Variants in SLC25A31 observed in about 807,000 individuals in gnomAD.
SLC25A31 encodes ADP/ATP translocase 4.
A neutral mutation model predicts 36.2 loss-of-function variants in SLC25A31; 40 were observed. The ratio of observed to expected loss-of-function variants is 1.10; its 90% CI spans 0.86 to 1.44. The LOEUF is 1.44. Ranked by LOEUF, SLC25A31 falls within the 40% of genes most tolerant of loss-of-function variation. The pLI is 0.00. For missense variants in SLC25A31, 350 were observed against 397.1 expected, an observed-to-expected ratio of 0.88 and a Z score of 1.01; for synonymous variants, 143 against 149.7, an observed-to-expected ratio of 0.96 and a Z score of 0.32.
At chr4:127,759,385 A>T (rs1329435675) in intron 2 of SLC25A31, among the ~76,000 whole-genome samples, 1 of 152,052 alleles carries the variant, frequency 6.6e-6, no homozygotes, top group Non-Finnish European at 1.5e-5. Flanking sequence ...TTTGGGAGGC[A>T]TATCTTGGGT....
chr4:127,764,305 T>C lies in SLC25A31; in HGVS notation c.423T>C (p.Cys141=). ...GAGCTGCTGGGGCAACATCCTTATG[T>C]GTAGTATATCCTCTAGATTTTGCCC... ...SGGAAGATSL[C]VVYPLDFART... is the part of the protein sequence containing the mutation. The change falls in exon 3 of 6, where the codon TGT becomes TGC. Residue 141 remains cysteine, a synonymous_variant. Coordinates refer to ENST00000281154, the MANE Select transcript of SLC25A31 (RefSeq NM_031291.4). 1.9e-6 allele frequency: 3 copies of C among 1,614,132 alleles called. No individual in the cohort carries two copies. The highest frequency in any genetic ancestry group is 2.5e-6 in the Non-Finnish European group (3 of 1,179,990).
intron 1 of SLC25A31, among the ~76,000 whole-genome samples, chr4:127,738,752 G>A (rs544341057): frequency 6.6e-6 from 1 of 152,280 alleles, no homozygotes; most frequent in African/African-American, 2.4e-5. Context: ...CTTTTTGTAA[G>A]TGTAGAAGTA....
intron 1 of SLC25A31, among the ~76,000 whole-genome samples, chr4:127,731,042 C>T (rs957992452): frequency 1.3e-5 from 2 of 152,202 alleles, no homozygotes; most frequent in Admixed American, 1.3e-4. Context: ...CGATTTACAC[C>T]TTGGTGCACC....
At chr4:127,762,217 A>G (rs998748415) in intron 2 of SLC25A31, among the ~76,000 whole-genome samples, 1 of 152,224 alleles carries the variant, frequency 6.6e-6, no homozygotes, top group Non-Finnish European at 1.5e-5. Flanking sequence ...TGAGTAGATA[A>G]TGTTCATAAA....
At chr4:127,738,683 G>A (rs991411962) in intron 1 of SLC25A31, among the ~76,000 whole-genome samples, 5 of 152,098 alleles carry the variant, frequency 3.3e-5, no homozygotes, top group African/African-American at 7.2e-5. Flanking sequence ...TGCCTTGATG[G>A]TCTAAAGCTG....
At chr4:127,739,014 CTTA>C in intron 1 of SLC25A31, among the ~76,000 whole-genome samples, 1 of 152,118 alleles carries the variant, frequency 6.6e-6, no homozygotes, top group Non-Finnish European at 1.5e-5. Context: ...AGATTGGTCT[CTTA>C]AAGACAGCAG....
intron 2 of SLC25A31, among the ~76,000 whole-genome samples, chr4:127,752,872 A>G (rs1731961872): frequency 6.6e-6 from 1 of 152,214 alleles, no homozygotes; most frequent in Non-Finnish European, 1.5e-5. Flanking sequence ...ATTGAGCTTG[A>G]ACTGCACTTT....
In SLC25A31 at chr4:127,744,692, G is replaced by T; in HGVS notation, c.253G>T (p.Gly85Cys). Residue 85 changes from glycine (G) to cysteine (C), a missense_variant, in exon 2 of 6, where the codon GGC (glycine) becomes TGC (cysteine). Physicochemically the swap from Gly to Cys is radical, Grantham distance 159. Transcript: ENST00000281154. Reference sequence around the variant, plus strand: ...TGTAGGTTTCTTCAGTTTTTGGCGTGGCAATTTGGCAAATGTTATTCGGTA... The same window carrying T: ...TGTAGGTTTCTTCAGTTTTTGGCGTTGCAATTTGGCAAATGTTATTCGGTA... ...REQGFFSFWR[G>C]NLANVIRYFP... The T allele has an allele frequency of 1.3e-6, 2 of 1,599,002 alleles. No individual in the cohort carries two copies. The highest frequency in any genetic ancestry group is 8.5e-7 in the Non-Finnish European group (1 of 1,173,048).
In SLC25A31 at chr4:127,764,311, A is replaced by G. The variant is rs766645328; in HGVS notation, c.429A>G (p.Val143=). 6.2e-7 allele frequency: 1 copy of G among 1,614,090 alleles called. No individual in the cohort carries two copies. Among genetic ancestry groups the G allele is most frequent in the South Asian group, 1.1e-5 (1 of 91,068 alleles). The change falls in exon 3 of 6, where the codon GTA becomes GTG. Residue 143 remains valine, a synonymous_variant. Transcript: ENST00000281154. ...CTGGGGCAACATCCTTATGTGTAGT[A>G]TATCCTCTAGATTTTGCCCGAACCC... ...GAAGATSLCV[V]YPLDFARTRL... is the part of the protein sequence containing the mutation.
At chr4:127,768,587 G>A (rs930360392) in intron 4 of SLC25A31, among the ~76,000 whole-genome samples, 165 bp from the exon 5 acceptor site, 3 of 151,802 alleles carry the variant, frequency 2.0e-5, no homozygotes. Flanking sequence ...GTCATGTGTG[G>A]CATTCCACTT....
chr4:127,747,163 T>C (rs1423333039), intron 2 of SLC25A31, among the ~76,000 whole-genome samples: 1 of 152,246 alleles, frequency 6.6e-6, no homozygotes, highest in African/African-American at 2.4e-5. Flanking sequence ...CCATGCTGTT[T>C]TGGTTACTTT....
intron 1 of SLC25A31, among the ~76,000 whole-genome samples, chr4:127,741,070 G>A (rs929220214): frequency 2.3e-4 from 35 of 152,152 alleles, no homozygotes; most frequent in African/African-American, 8.0e-4. Flanking sequence ...ATATAGAAAT[G>A]TGATTGATTT....
chr4:127,770,716 A>G (rs1053961501), intron 5 of SLC25A31, among the ~76,000 whole-genome samples: 1 of 152,126 alleles, frequency 6.6e-6, no homozygotes, highest in African/African-American at 2.4e-5. Context: ...TACAGAAAAA[A>G]AAATGGGAAT....
chr4:127,734,885 A>G (rs1166380348), intron 1 of SLC25A31, among the ~76,000 whole-genome samples: 1 of 152,176 alleles, frequency 6.6e-6, no homozygotes, highest in Non-Finnish European at 1.5e-5. Context: ...GTTACATATC[A>G]CGGGACATTA....
chr4:127,763,643 A>T (rs1206071260), intron 2 of SLC25A31, among the ~76,000 whole-genome samples: 1 of 152,238 alleles, frequency 6.6e-6, no homozygotes, highest in African/African-American at 2.4e-5. Flanking sequence ...CCATACAACT[A>T]CATTATGATT....
At chr4:127,732,259 C>G (rs151249143) in intron 1 of SLC25A31, among the ~76,000 whole-genome samples, 1 of 152,190 alleles carries the variant, frequency 6.6e-6, no homozygotes, top group African/African-American at 2.4e-5. Context: ...TTTAAAAAAG[C>G]ACCTTGTACC....
rs764772185 is a variant in SLC25A31, at chr4:127,773,465, T to A, written c.839T>A (p.Phe280Tyr). The A allele has an allele frequency of 6.2e-7, 1 of 1,614,150 alleles. No individual in the cohort carries two copies. Among genetic ancestry groups the A allele is most frequent in the Non-Finnish European group, 8.5e-7 (1 of 1,180,012 alleles). ...TACCAACATGAAGGAATCAGTTCCT[T>A]TTTTCGTGGCGCCTTCTCCAATGTT... ...KIYQHEGISSFFRGAFSNVLR... is the reference protein window; with the variant it reads ...KIYQHEGISSYFRGAFSNVLR... Residue 280 changes from phenylalanine to tyrosine, a missense_variant, in exon 6 of 6, where the codon TTT (phenylalanine) becomes TAT (tyrosine). Physicochemically the swap from Phe to Tyr is conservative, Grantham distance 22. Coordinates refer to ENST00000281154, the MANE Select transcript of SLC25A31 (RefSeq NM_031291.4).
intron 1 of SLC25A31, among the ~76,000 whole-genome samples, chr4:127,739,040 T>C (rs1731686492): frequency 6.6e-6 from 1 of 152,218 alleles, no homozygotes; most frequent in African/African-American, 2.4e-5. Flanking sequence ...AGATGCATCT[T>C]GTTTTTTATC....
At chr4:127,760,105 CATGTTAAACTGACAAAAT>C (rs1732099687) in intron 2 of SLC25A31, among the ~76,000 whole-genome samples, 1 of 152,174 alleles carries the variant, frequency 6.6e-6, no homozygotes, top group Non-Finnish European at 1.5e-5. Flanking sequence ...ACAACTGAGT[CATGTTAAACTGACAAAAT>C]CTGAATAGGG....
Sources: allele counts gnomAD v4.1 joint callset (sites outside exome capture counted in the v4.1 genomes callset), GRCh38; gene constraint gnomAD v4.1.1; transcripts MANE v1.5; gene names NCBI Gene and HGNC (gene_info 2026-07-23, HGNC 2026-07-21).